Variants in PCDHGA4 observed in about 807,000 individuals in gnomAD.
The protein encoded by PCDHGA4 is protocadherin gamma subfamily A, 4, also known as protocadherin gamma-A4.
Under a neutral mutation model 54.6 loss-of-function variants are expected in PCDHGA4, and 38 were observed. That is an observed-to-expected ratio of 0.70 (90% CI 0.54 to 0.91). The LOEUF (loss-of-function observed/expected upper bound fraction) is 0.91, where lower values mean the gene tolerates loss of function less well. PCDHGA4 is among the 40% of genes least tolerant of loss of function. PCDHGA4 has a pLI of 0.00. For missense variants in PCDHGA4, 1,298 were observed against 1,220.9 expected, an observed-to-expected ratio of 1.06 and a Z score of -0.94; for synonymous variants, 511 against 512.9, an observed-to-expected ratio of 1.00 and a Z score of 0.05.
chr5:141,362,106 G>C (rs73265834), intron 1 of PCDHGA4: 130,724 of 1,570,082 alleles, frequency 0.083, 8,914 homozygotes, highest in African/African-American at 0.28. Flanking sequence ...TCTCCGCTAC[G>C]GCCACGCTGC....
intron 1 of PCDHGA4, among the ~76,000 whole-genome samples, chr5:141,473,313 T>C (rs1173941642): frequency 2.7e-4 from 41 of 152,246 alleles, no homozygotes; most frequent in Non-Finnish European, 5.9e-5. Context: ...GCTATATTAA[T>C]AAGCATTAAG....
At chr5:141,455,375 G>A (rs1247820974) in intron 1 of PCDHGA4, among the ~76,000 whole-genome samples, 1 of 152,132 alleles carries the variant, frequency 6.6e-6, no homozygotes, top group Non-Finnish European at 1.5e-5. Context: ...GAAGGGAGAA[G>A]ACAGAAGGAA....
At chr5:141,449,948 C>T (rs1294423807) in intron 1 of PCDHGA4, among the ~76,000 whole-genome samples, 1 of 151,034 alleles carries the variant, frequency 6.6e-6, no homozygotes, top group Non-Finnish European at 1.5e-5. Context: ...TTTTACTATA[C>T]CTCATAGTAA....
chr5:141,373,179 T>G (rs576905646), intron 1 of PCDHGA4, among the ~76,000 whole-genome samples: 1 of 152,360 alleles, frequency 6.6e-6, no homozygotes, highest in East Asian at 1.9e-4. Flanking sequence ...TCCTAAAATA[T>G]ATGAAACATT....
At chr5:141,397,024 A>G (rs188506780) in intron 1 of PCDHGA4, among the ~76,000 whole-genome samples, 30 of 152,358 alleles carry the variant, frequency 2.0e-4, no homozygotes, top group African/African-American at 7.2e-4. Flanking sequence ...AAGGTTGACC[A>G]ATGTCCACAA....
chr5:141,419,402 T>G (rs2096376244), intron 1 of PCDHGA4: 1 of 1,613,378 alleles, frequency 6.2e-7, no homozygotes, highest in African/African-American at 1.3e-5. Flanking sequence ...CGGGGTGGTG[T>G]TCGCGCAGCG....
At chr5:141,442,473 C>T (rs1435437337) in intron 1 of PCDHGA4, 1 of 152,240 alleles carries the variant, frequency 6.6e-6, no homozygotes, top group Non-Finnish European at 1.5e-5. Flanking sequence ...CAGAAAGCCC[C>T]TTGGGGAAGG....
chr5:141,365,353 T>C lies in PCDHGA4; in HGVS notation c.2514+7732T>C, dbSNP rs565922694. On this transcript the variant is annotated intron_variant, in intron 1 of 3. Coordinates refer to ENST00000571252, the MANE Select transcript of PCDHGA4 (RefSeq NM_018917.4). ...TGGTGGTCACAGTACAGGACGTGAA[T>C]GACAATGCCCCCGAAGTGATCCTCA... 7.4e-6 allele frequency: 12 copies of C among 1,613,980 alleles called. No individual in the cohort carries two copies. In the African/African-American group the frequency reaches 1.3e-4, roughly 18 times the overall value.
In PCDHGA4 at chr5:141,413,371, CGCGGAGT is replaced by C. The variant is rs765391000; in HGVS notation, c.2514+55751_2514+55757del. The C allele has an allele frequency of 3.7e-6, 6 of 1,613,848 alleles. No homozygotes were observed. In the African/African-American group the frequency reaches 8.0e-5, roughly 22 times the overall value. On this transcript the variant is annotated intron_variant, in intron 1 of 3. Coordinates refer to ENST00000571252, the MANE Select transcript of PCDHGA4 (RefSeq NM_018917.4). ...TCTGGCGCCCCGGGAGCTGGCGGAG[CGCGGAGT>C]CCGCATAGTCTCCAGAGGTAGGACG...
intron 1 of PCDHGA4, among the ~76,000 whole-genome samples, chr5:141,473,069 A>G (rs552033483): frequency 3.9e-4 from 59 of 152,180 alleles, no homozygotes; most frequent in South Asian, 8.3e-4. Flanking sequence ...AAGTTACAGC[A>G]TCTTTGTTTA....
chr5:141,355,459 G>T lies in PCDHGA4; in HGVS notation c.352G>T (p.Ala118Ser). 1.2e-6 allele frequency: 2 copies of T among 1,614,082 alleles called. No individual in the cohort carries two copies. Among genetic ancestry groups the T allele is most frequent in the Non-Finnish European group, 1.7e-6 (2 of 1,179,918 alleles). Residue 118 changes from alanine (A) to serine (S), a missense_variant, in exon 1 of 4, where the codon GCG (alanine) becomes TCG (serine). Physicochemically the swap from Ala to Ser is moderately conservative, Grantham distance 99. Transcript: ENST00000571252. ...LNPRSGTLVT[A>S]GRIDREELCD... Reference sequence around the variant, plus strand: ...CCCGCGCAGCGGCACCTTGGTCACCGCGGGTAGGATAGACAGGGAGGAGCT... The same window carrying T: ...CCCGCGCAGCGGCACCTTGGTCACCTCGGGTAGGATAGACAGGGAGGAGCT...
chr5:141,429,960 A>C (rs981722031), intron 1 of PCDHGA4, among the ~76,000 whole-genome samples: 2 of 152,244 alleles, frequency 1.3e-5, no homozygotes, highest in African/African-American at 4.8e-5. Flanking sequence ...AGTCAATGCA[A>C]GTTGGAATGC....
Position 141,443,030 on chromosome 5 carries a change from C to A in PCDHGA4, c.2515-51777C>A, listed in dbSNP as rs147317486. ...ATATGACTAATGGAAGTTGCCAGAC[C>A]TAAACTTTGAAAATTATTGTTCCAC... On this transcript the variant is annotated intron_variant, in intron 1 of 3. Transcript: ENST00000571252. Among the ~76,000 whole-genome samples, 31 of 152,290 alleles carry A rather than the reference C, an allele frequency of 2.0e-4. No individual in the cohort carries two copies. The East Asian group carries it at 3.5e-3, about 17-fold the overall frequency.
At chr5:141,371,409 G>T in intron 1 of PCDHGA4, 2 of 1,614,022 alleles carry the variant, frequency 1.2e-6, no homozygotes, top group Non-Finnish European at 1.7e-6. Flanking sequence ...AGATATTTCA[G>T]ATGAAAATGA....
intron 1 of PCDHGA4, chr5:141,365,417 G>C: frequency 6.2e-7 from 1 of 1,613,940 alleles, no homozygotes; most frequent in South Asian, 1.1e-5. Context: ...CTGTCTTCCC[G>C]GAACTGTAAT....
At chr5:141,381,975 G>A (rs1408994703) in intron 1 of PCDHGA4, among the ~76,000 whole-genome samples, 4 of 151,294 alleles carry the variant, frequency 2.6e-5, no homozygotes, top group South Asian at 2.1e-4. Flanking sequence ...GATTACAGGC[G>A]CGCGCCACCA....
chr5:141,484,709 C>G (rs1223957454), intron 1 of PCDHGA4, among the ~76,000 whole-genome samples: 1 of 151,072 alleles, frequency 6.6e-6, no homozygotes, highest in Non-Finnish European at 1.5e-5. Context: ...TTTTCCCCGC[C>G]GAAAAGGGGC....
intron 1 of PCDHGA4, chr5:141,403,515 G>A: frequency 6.2e-7 from 1 of 1,614,024 alleles, no homozygotes; most frequent in Non-Finnish European, 8.5e-7. Context: ...GGAGACAATG[G>A]AGCCATAAAC....
intron 1 of PCDHGA4, chr5:141,399,551 T>C: frequency 6.2e-7 from 1 of 1,614,052 alleles, no homozygotes; most frequent in Non-Finnish European, 8.5e-7. Context: ...GCCTCGGACC[T>C]GGACTTGGGG....
Sources: allele counts gnomAD v4.1 joint callset (sites outside exome capture counted in the v4.1 genomes callset), GRCh38; gene constraint gnomAD v4.1.1; transcripts MANE v1.5; gene names NCBI Gene and HGNC (gene_info 2026-07-23, HGNC 2026-07-21).